Variants in RIMS2 observed in about 807,000 individuals in gnomAD.
RIMS2 encodes the protein regulating synaptic membrane exocytosis protein 2.
Under a neutral mutation model 174.4 loss-of-function variants are expected in RIMS2, and 59 were observed. The ratio of observed to expected loss-of-function variants is 0.34; its 90% CI spans 0.27 to 0.42. The LOEUF (loss-of-function observed/expected upper bound fraction) is 0.42. Among genes scored for constraint, RIMS2 ranks in the 10% least tolerant of loss-of-function variants. The pLI, the probability that RIMS2 is intolerant of heterozygous loss-of-function variation, is 1.00. For missense variants in RIMS2, 1,620 were observed against 1,666.3 expected (o/e 0.97, Z 0.48); for synonymous variants, 606 against 572.5 (o/e 1.06, Z -0.84).
intron 19 of RIMS2, among the ~76,000 whole-genome samples, chr8:104,151,380 G>A (rs146369851): frequency 0.015 from 2,214 of 152,214 alleles, 27 homozygotes; most frequent in Non-Finnish European, 0.026. Flanking sequence ...ACCAGCCTGG[G>A]CAACATGGCA....
chr8:103,768,477 G>A (rs984538458), intron 3 of RIMS2: 3 of 815,432 alleles, frequency 3.7e-6, no homozygotes, highest in East Asian at 2.4e-5. Flanking sequence ...ATGAAGAGGG[G>A]TGTCTTGATT....
chr8:103,775,355 G>A (rs1463849176), intron 3 of RIMS2, among the ~76,000 whole-genome samples: 1 of 152,008 alleles, frequency 6.6e-6, no homozygotes, highest in Non-Finnish European at 1.5e-5. Flanking sequence ...AAACTATAGA[G>A]CTAAGGAACT....
chr8:104,153,800 A>G (rs913970386), intron 19 of RIMS2, among the ~76,000 whole-genome samples: 28 of 152,222 alleles, frequency 1.8e-4, no homozygotes, highest in Non-Finnish European at 3.2e-4. Context: ...TAAAGGAAAA[A>G]CAAAAAAAGG....
At chr8:103,633,919 T>C (rs2096009018) in intron 1 of RIMS2, among the ~76,000 whole-genome samples, 1 of 152,200 alleles carries the variant, frequency 6.6e-6, no homozygotes, top group Non-Finnish European at 1.5e-5. Context: ...GGATGTTCTC[T>C]TTTCTTTATT....
At chr8:103,540,442 G>A (rs1044715070) in intron 1 of RIMS2, among the ~76,000 whole-genome samples, 14 of 152,088 alleles carry the variant, frequency 9.2e-5, no homozygotes, top group South Asian at 2.1e-4. Context: ...ACAACATAGC[G>A]GCACCCTCAC....
intron 2 of RIMS2, among the ~76,000 whole-genome samples, chr8:103,700,667 CT>C (rs67000347): frequency 0.18 from 26,684 of 151,682 alleles, 2,552 homozygotes; most frequent in African/African-American, 0.23. Context: ...CATCACCTTG[CT>C]TTTTTGATTT....
At chr8:103,790,919 T>C (rs1275367230) in intron 3 of RIMS2, among the ~76,000 whole-genome samples, 3 of 152,184 alleles carry the variant, frequency 2.0e-5, no homozygotes, top group Non-Finnish European at 4.4e-5. Context: ...TATGGGACTA[T>C]GTGAAAAGAC....
chr8:104,241,440 T>C (rs1019761596), intron 19 of RIMS2, among the ~76,000 whole-genome samples: 7 of 152,204 alleles, frequency 4.6e-5, no homozygotes, highest in African/African-American at 1.7e-4. Flanking sequence ...CAAACGGTGC[T>C]GGTTCTCATA....
chr8:103,816,530 G>A (rs2098719621), intron 3 of RIMS2, among the ~76,000 whole-genome samples: 1 of 152,168 alleles, frequency 6.6e-6, no homozygotes, highest in Non-Finnish European at 1.5e-5. Flanking sequence ...ATCAAATGTT[G>A]TGAAGAATAA....
At chr8:103,955,529 G>T (rs934813804) in intron 14 of RIMS2, among the ~76,000 whole-genome samples, 2 of 152,052 alleles carry the variant, frequency 1.3e-5, no homozygotes, top group Non-Finnish European at 2.9e-5. Flanking sequence ...ATGCAGAAAA[G>T]GCCTTAAACA....
intron 19 of RIMS2, among the ~76,000 whole-genome samples, chr8:104,032,515 A>G (rs1414256900): frequency 6.6e-6 from 1 of 152,066 alleles, no homozygotes; most frequent in Non-Finnish European, 1.5e-5. Context: ...ATGGAACACT[A>G]GGCGTAAATG....
intron 1 of RIMS2, among the ~76,000 whole-genome samples, chr8:103,590,049 C>T (rs1038091292): frequency 6.6e-6 from 1 of 151,220 alleles, no homozygotes; most frequent in Non-Finnish European, 1.5e-5. Context: ...TTAATAATTA[C>T]TTAATTGTAC....
intron 2 of RIMS2, among the ~76,000 whole-genome samples, chr8:103,713,973 T>C (rs1480637099): frequency 6.6e-6 from 1 of 152,228 alleles, no homozygotes; most frequent in Non-Finnish European, 1.5e-5. Context: ...ACCCACTTGA[T>C]GAGCACTTAC....
intron 3 of RIMS2, among the ~76,000 whole-genome samples, chr8:103,872,332 A>G (rs1420448308): frequency 2.0e-5 from 3 of 152,148 alleles, no homozygotes; most frequent in African/African-American, 7.2e-5. Flanking sequence ...GACCACTTGT[A>G]TCTATTGTAA....
intron 1 of RIMS2, among the ~76,000 whole-genome samples, chr8:103,544,036 T>A (rs2131342672): frequency 6.6e-6 from 1 of 152,258 alleles, no homozygotes; most frequent in East Asian, 1.9e-4. Flanking sequence ...AGAGGCAACC[T>A]ACAGAGAAGA....
At chr8:103,538,944 T>G (rs1231857689) in intron 1 of RIMS2, among the ~76,000 whole-genome samples, 1 of 152,276 alleles carries the variant, frequency 6.6e-6, no homozygotes, top group African/African-American at 2.4e-5. Flanking sequence ...TCCTGGTCAT[T>G]GCAAATGTGG....
At position 104,151,843 on chromosome 8, in the gene RIMS2, C is replaced by T. The variant is rs140002356; in HGVS notation, c.3335-93073C>T. On this transcript the variant is annotated intron_variant, in intron 19 of 23. Coordinates refer to ENST00000504942, the Ensembl canonical transcript of RIMS2. ...AAACAGCAGTAGGCCAAGACAATGC[C>T]CTGTGGAAGATTAACATTTTAGAAT... Among the ~76,000 whole-genome samples the T allele has an allele frequency of 2.8e-3, 420 of 152,040 alleles. 2 individuals are homozygous for T. The highest frequency in any genetic ancestry group is 8.3e-3 in the African/African-American group (343 of 41,466).
chr8:104,076,576 A>T (rs1023979913), intron 19 of RIMS2, among the ~76,000 whole-genome samples: 1 of 152,160 alleles, frequency 6.6e-6, no homozygotes, highest in Non-Finnish European at 1.5e-5. Context: ...TGTTTACAGT[A>T]ATAGAGATAT....
At chr8:103,961,620 A>G (rs1172692437) in intron 15 of RIMS2, among the ~76,000 whole-genome samples, 1 of 152,190 alleles carries the variant, frequency 6.6e-6, no homozygotes, top group Non-Finnish European at 1.5e-5. Context: ...TTTTAAAGTT[A>G]GAAACTTATC....
Sources: gnomAD v4.1 joint callset for allele counts (sites outside exome capture counted in the v4.1 genomes callset) on GRCh38, gnomAD v4.1.1 for gene constraint, MANE v1.5 for transcripts, NCBI Gene and HGNC (gene_info 2026-07-23, HGNC 2026-07-21) for gene names.